SPAG9: variants seen among roughly 807,000 people sequenced by gnomAD.
SPAG9 encodes the protein sperm associated antigen 9.
In SPAG9, 35 loss-of-function variants were observed where a neutral mutation model predicts 166.5. The ratio of observed to expected loss-of-function variants is 0.21; its 90% CI spans 0.16 to 0.28. The LOEUF is 0.28. Among genes scored for constraint, SPAG9 ranks in the 10% least tolerant of loss-of-function variants. SPAG9 has a pLI of 1.00. For synonymous variants in SPAG9, 534 were observed against 565.5 expected (o/e 0.94, Z 0.79); for missense variants, 1,235 against 1,603.3 (o/e 0.77, Z 3.92).
intron 1 of SPAG9, among the ~76,000 whole-genome samples, chr17:51,114,662 C>T (rs2049229946): frequency 6.6e-6 from 1 of 150,772 alleles, no homozygotes; most frequent in African/African-American, 2.4e-5. Context: ...AATAAAATAT[C>T]AAGTGTGGGC....
chr17:51,055,223 CA>C (rs1234832033), intron 3 of SPAG9, among the ~76,000 whole-genome samples: 2 of 151,880 alleles, frequency 1.3e-5, no homozygotes, highest in Non-Finnish European at 2.9e-5. Context: ...TATGGTGGCA[CA>C]CACCTGTAAT....
chr17:51,051,545 C>CT (rs2047185059), intron 3 of SPAG9, among the ~76,000 whole-genome samples: 1 of 152,182 alleles, frequency 6.6e-6, no homozygotes, highest in African/African-American at 2.4e-5. Flanking sequence ...CATGGTGAAA[C>CT]CCAGTCTCTA....
intron 26 of SPAG9, among the ~76,000 whole-genome samples, chr17:50,978,589 C>T (rs996653915): frequency 2.0e-5 from 3 of 152,078 alleles, no homozygotes; most frequent in South Asian, 2.1e-4. Flanking sequence ...AAGACTGGTA[C>T]GATCACAATA....
rs1568077178 is a variant in SPAG9 at position 51,089,623 on chromosome 17, TA to T, written c.304-9920del. Among the ~76,000 whole-genome samples the T allele has an allele frequency of 3.0e-3, 99 of 32,590 alleles. 2 individuals carry two copies. The highest frequency in any genetic ancestry group is 0.014 in the African/African-American group (90 of 6,338). The allele number at this position is 32,590 out of a possible 152,430, so 21.4% of individuals were successfully genotyped here. On this transcript the variant is annotated intron_variant, in intron 1 of 29. Transcript: ENST00000262013. ...ATGTATATATATACACTTTATTTTA[TA>T]TATATATATATATATATATATATAT... is the stretch of plus-strand genomic sequence containing the variant.
intron 6 of SPAG9, among the ~76,000 whole-genome samples, chr17:51,029,380 A>G (rs992343570): frequency 6.6e-6 from 1 of 152,222 alleles, no homozygotes; most frequent in African/African-American, 2.4e-5. Context: ...AAATGATGCA[A>G]CCACTCTGGA....
At chr17:51,033,055 T>C (rs1438383582) in intron 5 of SPAG9, among the ~76,000 whole-genome samples, 1 of 151,684 alleles carries the variant, frequency 6.6e-6, no homozygotes, top group Non-Finnish European at 1.5e-5. Flanking sequence ...TATTGAGATA[T>C]AACTGACAAA....
At position 51,001,646 on chromosome 17, in the gene SPAG9, T is replaced by G. The variant is rs572626936; in HGVS notation, c.1607+69A>C. 4.4e-5 allele frequency: 65 copies of G among 1,488,356 alleles called. No individual in the cohort carries two copies. The African/African-American group carries it at 8.4e-4, about 19-fold the overall frequency. 92.2% of individuals were successfully genotyped at this position (1,488,356 alleles called of 1,614,324 possible). A position where few individuals can be genotyped will look rare whatever the true frequency, so the allele number is the denominator to read the frequency against. ...GGATCTTACAGGGCAGGACTTAAGTTCCACATGAAGGAATATTCAAACCTA... is the reference window on the plus strand; with the variant it reads ...GGATCTTACAGGGCAGGACTTAAGTGCCACATGAAGGAATATTCAAACCTA... On this transcript the variant is annotated intron_variant, in intron 13 of 29. Transcript: ENST00000262013.
In SPAG9 at chr17:50,980,102, C is replaced by T. The variant is rs560020508; in HGVS notation, c.3238-185G>A. ...AATGCAAAAAATAAAGAACTAAGAA[C>T]GGGATATTGGACTTCAGCACTATAT... On this transcript the variant is annotated intron_variant, in intron 25 of 29. Transcript: ENST00000262013. Among the ~76,000 whole-genome samples the T allele has an allele frequency of 1.2e-4, 19 of 152,212 alleles. No homozygotes were observed. The South Asian group carries it at 1.9e-3, about 15-fold the overall frequency.
rs1973202583 is a variant in SPAG9, at chr17:50,963,213, A to G, written c.*3059T>C. ...TCCTTATTTCTTCCAATAGGGGTACACTTTTTTTGTACAGTGAGATCAACC... is the reference window on the plus strand; with the variant it reads ...TCCTTATTTCTTCCAATAGGGGTACGCTTTTTTTGTACAGTGAGATCAACC... On this transcript the variant is annotated 3_prime_UTR_variant, in exon 30 of 30. Transcript: ENST00000262013. 6.6e-6 allele frequency: 1 copy of G among 152,188 alleles called. No individual in the cohort carries two copies. Among genetic ancestry groups the G allele is most frequent in the South Asian group, 2.1e-4 (1 of 4,828 alleles). 9.4% of individuals were successfully genotyped at this position (152,188 alleles called of 1,614,324 possible). A position where few individuals can be genotyped will look rare whatever the true frequency, so the allele number is the denominator to read the frequency against.
intron 1 of SPAG9, among the ~76,000 whole-genome samples, chr17:51,099,784 A>C (rs79043724): frequency 2.7e-5 from 4 of 150,640 alleles, no homozygotes; most frequent in Non-Finnish European, 5.9e-5. Context: ...AAAAAAAAAA[A>C]AAAAACTAGA....
chr17:51,074,842 GACAATGAA>G (rs1219833295), intron 2 of SPAG9, among the ~76,000 whole-genome samples: 1 of 151,580 alleles, frequency 6.6e-6, no homozygotes, highest in African/African-American at 2.4e-5. Flanking sequence ...ACAAATCTGG[GACAATGAA>G]AAAAAAATTG....
At chr17:50,981,472 A>AT (rs1974600823) in intron 25 of SPAG9, among the ~76,000 whole-genome samples, 1 of 149,640 alleles carries the variant, frequency 6.7e-6, no homozygotes, top group Admixed American at 6.8e-5. Context: ...ATATAAACAG[A>AT]TACACAGATA....
At chr17:51,054,404 T>G (rs1306317291) in intron 3 of SPAG9, among the ~76,000 whole-genome samples, 2 of 151,270 alleles carry the variant, frequency 1.3e-5, no homozygotes, top group African/African-American at 4.9e-5. Context: ...ATTACAGGCA[T>G]GAGCCACTGC....
chr17:51,094,500 A>G (rs1019688683), intron 1 of SPAG9, among the ~76,000 whole-genome samples: 18 of 152,234 alleles, frequency 1.2e-4, no homozygotes, highest in Non-Finnish European at 7.3e-5. Context: ...AAATTATTAA[A>G]GTATGAATTG....
At chr17:51,106,264 C>T (rs2048947839) in intron 1 of SPAG9, among the ~76,000 whole-genome samples, 1 of 152,074 alleles carries the variant, frequency 6.6e-6, no homozygotes, top group Non-Finnish European at 1.5e-5. Flanking sequence ...GATCACTCCA[C>T]TGCACACCAG....
At chr17:51,045,932 G>T (rs2047002616) in intron 4 of SPAG9, among the ~76,000 whole-genome samples, 1 of 151,980 alleles carries the variant, frequency 6.6e-6, no homozygotes, top group Non-Finnish European at 1.5e-5. Flanking sequence ...TAAATAATGG[G>T]GAAAAAGGCA....
chr17:51,007,593 T>C (rs1221302348), intron 9 of SPAG9, among the ~76,000 whole-genome samples: 2 of 152,186 alleles, frequency 1.3e-5, no homozygotes, highest in Non-Finnish European at 2.9e-5. Context: ...AGGCCAATTT[T>C]TAATATCTGT....
At chr17:51,095,670 GTA>G (rs138822075) in intron 1 of SPAG9, among the ~76,000 whole-genome samples, 11,390 of 144,810 alleles carry the variant, frequency 0.079, 1,390 homozygotes, top group African/African-American at 0.26. Context: ...AAAAAAATGT[GTA>G]TATATATATA....
At chr17:51,049,143 T>C (rs1285597507) in intron 3 of SPAG9, among the ~76,000 whole-genome samples, 1 of 149,178 alleles carries the variant, frequency 6.7e-6, no homozygotes, top group East Asian at 2.0e-4. Flanking sequence ...CTTTGGGAGG[T>C]AGGAGGTTTG....
Sources: gnomAD v4.1 joint callset for allele counts (sites outside exome capture counted in the v4.1 genomes callset) on GRCh38, gnomAD v4.1.1 for gene constraint, MANE v1.5 for transcripts, NCBI Gene and HGNC (gene_info 2026-07-23, HGNC 2026-07-21) for gene names.